The following MID1 variants were observed in gnomAD, a reference collection of about 807,000 sequenced individuals.
The protein encoded by MID1 is midline 1.
In MID1, 7 loss-of-function variants were observed where a neutral mutation model predicts 40.4. The ratio of observed to expected loss-of-function variants is 0.17; its 90% CI spans 0.10 to 0.33. The LOEUF (loss-of-function observed/expected upper bound fraction) is 0.33, where lower values mean the gene tolerates loss of function less well. Among genes scored for constraint, MID1 ranks in the 10% least tolerant of loss-of-function variants. The pLI is 1.00. For synonymous variants in MID1, 229 were observed against 221.2 expected (o/e 1.04, Z -0.31); for missense variants, 367 against 558.5 (o/e 0.66, Z 3.46).
intron 1 of MID1, among the ~76,000 whole-genome samples, chrX:10,763,175 T>C (rs1308818606): frequency 1.8e-5 from 2 of 110,217 alleles, no homozygotes; most frequent in Non-Finnish European, 3.8e-5. Context: ...TTATTTATTT[T>C]TATTATACTT....
chrX:10,761,861 A>C (rs1253143936), intron 1 of MID1, among the ~76,000 whole-genome samples: 2 of 112,137 alleles, frequency 1.8e-5, no homozygotes, highest in Non-Finnish European at 3.8e-5. Context: ...GGTTTACAGC[A>C]TTGATTGGTA....
intron 2 of MID1, among the ~76,000 whole-genome samples, chrX:10,526,571 A>G (rs1293464603): frequency 8.9e-6 from 1 of 111,969 alleles, no homozygotes; most frequent in Non-Finnish European, 1.9e-5. Flanking sequence ...TTCAATTGTC[A>G]TAAGTATGAC....
At chrX:10,698,262 G>GA (rs34047002) in intron 1 of MID1, among the ~76,000 whole-genome samples, 39,980 of 110,096 alleles carry the variant, frequency 0.36, 5,500 homozygotes, top group East Asian at 0.67. Flanking sequence ...CAACCATCCA[G>GA]AAAAAACAGA....
rs1357714226 is a variant in MID1, at chrX:10,447,933, A to G, written c.*1435T>C. 8.9e-6 allele frequency: 1 copy of G among 112,164 alleles called. No individual in the cohort carries two copies. The highest frequency in any genetic ancestry group is 9.5e-5 in the Admixed American group (1 of 10,573). The allele number at this position is 112,164 out of a possible 1,213,427, so 9.2% of individuals were successfully genotyped here. ...AGTATCCCAGGTAAATATTTTAGCA[A>G]TTGAAACCATTTATAGAGGTCATGC... On this transcript the variant is annotated 3_prime_UTR_variant, in exon 10 of 10. Coordinates refer to ENST00000317552, the MANE Select transcript of MID1 (RefSeq NM_000381.4).
chrX:10,636,785 G>GATATATAT (rs60188235), intron 1 of MID1, among the ~76,000 whole-genome samples: 1,139 of 42,616 alleles, frequency 0.027, 65 homozygotes, highest in African/African-American at 0.045. Flanking sequence ...CAACAATGGG[G>GATATATAT]ATATATATAT....
In MID1 at chrX:10,700,151, T is replaced by TA. The variant is rs745729719; in HGVS notation, c.-186-79733dup. ...CAATAGTTTTAATAAAGTTTTACTG[T>TA]AATATAGTTGTAAGGTAAAGTTATC... On this transcript the variant is annotated intron_variant, in intron 1 of 10. Transcript: ENST00000380785. 3.8e-3 allele frequency among the ~76,000 whole-genome samples: 420 copies of TA among 111,960 alleles called. 2 individuals are homozygous for TA. Among genetic ancestry groups the TA allele is most frequent in the Non-Finnish European group, 4.8e-3 (256 of 53,211 alleles).
At chrX:10,745,719 A>G (rs1159053331) in intron 1 of MID1, among the ~76,000 whole-genome samples, 1 of 112,455 alleles carries the variant, frequency 8.9e-6, no homozygotes, top group African/African-American at 3.2e-5. Context: ...TGTTTACAGC[A>G]CTTTTGGGAA....
At chrX:10,704,429 T>C (rs1370013820) in intron 1 of MID1, among the ~76,000 whole-genome samples, 1 of 109,609 alleles carries the variant, frequency 9.1e-6, no homozygotes, top group Admixed American at 9.9e-5. Context: ...TCAAAGGGAA[T>C]AGCCATATTC....
intron 1 of MID1, among the ~76,000 whole-genome samples, chrX:10,592,274 T>TA (rs144661774): frequency 0.022 from 617 of 28,254 alleles, 45 homozygotes; most frequent in African/African-American, 0.081. Context: ...GGGACTGCGT[T>TA]AAAAAAAAAA....
intron 1 of MID1, among the ~76,000 whole-genome samples, chrX:10,669,230 TA>T (rs761817483): frequency 0.016 from 749 of 46,963 alleles, 6 homozygotes; most frequent in Admixed American, 0.053. Flanking sequence ...CGTCTCAAAA[TA>T]AAAAAAAAAA....
intron 1 of MID1, among the ~76,000 whole-genome samples, chrX:10,593,762 GACACACACACACACAC>G (rs57390547): frequency 1.2e-5 from 1 of 83,332 alleles, no homozygotes; most frequent in East Asian, 3.9e-4. Context: ...CTGTCCCTCT[GACACACACACACACAC>G]ACACACACAC....
At chrX:10,559,032 G>A in intron 2 of MID1, among the ~76,000 whole-genome samples, 1 of 112,037 alleles carries the variant, frequency 8.9e-6, no homozygotes, top group East Asian at 2.8e-4. Flanking sequence ...AAGCTGCCTT[G>A]AGTTTCCCAT....
chrX:10,721,897 C>T (rs920827994), intron 1 of MID1, among the ~76,000 whole-genome samples: 5 of 110,498 alleles, frequency 4.5e-5, no homozygotes, highest in African/African-American at 1.6e-4. Flanking sequence ...AGCAAGATTA[C>T]TGTCACTACA....
intron 2 of MID1, among the ~76,000 whole-genome samples, chrX:10,561,733 C>T (rs1013152964): frequency 1.9e-5 from 2 of 106,810 alleles, no homozygotes; most frequent in East Asian, 2.8e-4. Context: ...CAGATGCTGG[C>T]GAGGCTGTGG....
chrX:10,768,608 C>A (rs1200372397), intron 1 of MID1, among the ~76,000 whole-genome samples: 2 of 111,320 alleles, frequency 1.8e-5, no homozygotes, highest in Non-Finnish European at 3.8e-5. Context: ...AATGGGGGCT[C>A]AGTTACCATT....
intron 7 of MID1, 130 bp from the exon 8 acceptor site, chrX:10,459,937 G>A: frequency 2.6e-6 from 2 of 762,274 alleles, no homozygotes; most frequent in Non-Finnish European, 3.9e-6. Flanking sequence ...TGGTAGTCAT[G>A]TACGAAAAAC....
At chrX:10,611,140 G>A (rs755072595) in intron 1 of MID1, among the ~76,000 whole-genome samples, 13 of 111,961 alleles carry the variant, frequency 1.2e-4, no homozygotes, top group Non-Finnish European at 2.3e-4. Flanking sequence ...CATTACATTT[G>A]TTAATAAGGA....
chrX:10,777,588 C>T (rs1438705554), intron 1 of MID1, among the ~76,000 whole-genome samples: 3 of 103,291 alleles, frequency 2.9e-5, no homozygotes, highest in Non-Finnish European at 6.0e-5. Flanking sequence ...TTGCCCAGGC[C>T]GGAGTGCGGT....
In MID1 at chrX:10,458,240, T is replaced by TAAAGA. The variant is rs753314143; in HGVS notation, c.1447+1401_1447+1405dup. On this transcript the variant is annotated intron_variant, in intron 8 of 9. Coordinates refer to ENST00000317552, the MANE Select transcript of MID1 (RefSeq NM_000381.4). ...TATTGTGCCATTTGTTGTATGACTG[T>TAAAGA]AAAGAAATATATCATCATGTTATAT... Among the ~76,000 whole-genome samples, 536 of 112,519 alleles carry TAAAGA rather than the reference T, an allele frequency of 4.8e-3. 3 individuals are homozygous for TAAAGA. Among genetic ancestry groups the TAAAGA allele is most frequent in the Middle Eastern group, 0.023 (5 of 217 alleles).
Sources: allele counts gnomAD v4.1 joint callset (sites outside exome capture counted in the v4.1 genomes callset), GRCh38; gene constraint gnomAD v4.1.1; transcripts MANE v1.5; gene names NCBI Gene and HGNC (gene_info 2026-07-23, HGNC 2026-07-21).